OPCML: variants seen among roughly 807,000 people sequenced by gnomAD.
The protein encoded by OPCML is opioid binding protein/cell adhesion molecule like, also known as opioid-binding protein/cell adhesion molecule.
A neutral mutation model predicts 37.8 loss-of-function variants in OPCML; 13 were observed. The ratio of observed to expected loss-of-function variants is 0.34; its 90% CI spans 0.22 to 0.55. OPCML has a LOEUF of 0.55. Among genes scored for constraint, OPCML ranks in the 20% least tolerant of loss-of-function variants. The probability of loss-of-function intolerance (pLI) is 0.91; values close to 1 mark genes in which losing one functional copy is unlikely to be tolerated. For synonymous variants in OPCML, 176 were observed against 168.8 expected (o/e 1.04, Z -0.33); for missense variants, 341 against 435.6 (o/e 0.78, Z 1.93).
chr11:132,453,695 G>A (rs1435984853), intron 4 of OPCML, among the ~76,000 whole-genome samples: 1 of 152,232 alleles, frequency 6.6e-6, no homozygotes, highest in Non-Finnish European at 1.5e-5. Context: ...ATACTATTTA[G>A]CTGGTTGGGC....
chr11:133,173,270 A>G lies in OPCML; in HGVS notation c.62-230260T>C, dbSNP rs1950312312. On this transcript the variant is annotated intron_variant, in intron 1 of 7. Coordinates refer to ENST00000524381, the MANE Select transcript of OPCML (RefSeq NM_001012393.5). This position sits in a 1 kb window ranked among gnomAD's most constrained non-coding sequence, Gnocchi z 7.8. ...AAGCATTTCTCAGAATGTTATCATT[A>G]ACATTGTTACAGCTATAATAACATG... is the stretch of plus-strand genomic sequence containing the variant. Among the ~76,000 whole-genome samples, 1 of 152,244 alleles carries G rather than the reference A, an allele frequency of 6.6e-6. No homozygotes were observed. The highest frequency in any genetic ancestry group is 1.5e-5 in the Non-Finnish European group (1 of 68,042).
intron 2 of OPCML, among the ~76,000 whole-genome samples, chr11:132,824,510 G>A (rs954306590): frequency 1.3e-5 from 2 of 152,072 alleles, no homozygotes; most frequent in Non-Finnish European, 2.9e-5. Context: ...CTGTTTCACA[G>A]CAAAACATCA....
chr11:133,324,306 C>T (rs1027613814), intron 1 of OPCML, among the ~76,000 whole-genome samples: 2 of 152,110 alleles, frequency 1.3e-5, no homozygotes, highest in African/African-American at 4.8e-5. Flanking sequence ...CTCCACCTTG[C>T]TCAAATCCAA....
chr11:132,990,347 A>G (rs1227877754), intron 1 of OPCML, among the ~76,000 whole-genome samples: 2 of 152,234 alleles, frequency 1.3e-5, no homozygotes, highest in African/African-American at 4.8e-5. Flanking sequence ...TATAGCGTCA[A>G]TCTCAGCCAT....
chr11:132,681,941 A>C (rs1942963311), intron 2 of OPCML, among the ~76,000 whole-genome samples: 1 of 150,826 alleles, frequency 6.6e-6, no homozygotes, highest in Admixed American at 6.6e-5. Flanking sequence ...GGCGACAGAG[A>C]GAGATTCCGT....
intron 2 of OPCML, among the ~76,000 whole-genome samples, chr11:132,718,416 G>A (rs1944565204): frequency 6.6e-6 from 1 of 152,074 alleles, no homozygotes; most frequent in African/African-American, 2.4e-5. Context: ...CACTGTAGGG[G>A]GTGCTTTTAA....
chr11:132,491,449 G>A (rs529897521), intron 4 of OPCML, among the ~76,000 whole-genome samples: 94 of 152,210 alleles, frequency 6.2e-4, no homozygotes, highest in African/African-American at 2.0e-3. Flanking sequence ...GGATTCCCTC[G>A]GCTGGACAGC....
At chr11:132,818,605 A>T (rs1175246686) in intron 2 of OPCML, among the ~76,000 whole-genome samples, 1 of 99,760 alleles carries the variant, frequency 1.0e-5, no homozygotes, top group Non-Finnish European at 2.3e-5. Context: ...ATAGATAGAT[A>T]GATGATAGAT....
intron 2 of OPCML, among the ~76,000 whole-genome samples, chr11:132,832,824 G>C (rs923787090): frequency 6.6e-6 from 1 of 152,196 alleles, no homozygotes; most frequent in Non-Finnish European, 1.5e-5. Context: ...TGTACGGCAC[G>C]TAACTGAATA....
In OPCML at chr11:132,586,967, C is replaced by T. The variant is rs148005877; in HGVS notation, c.380-57781G>A. Among the ~76,000 whole-genome samples the T allele has an allele frequency of 2.7e-4, 41 of 152,214 alleles. No homozygotes were observed. In the East Asian group the frequency reaches 4.1e-3, roughly 15 times the overall value. ...CTCTGGAGGCAGAATATTATGCATT[C>T]GGGCATATGCATTCGGGCATACTAA... On this transcript the variant is annotated intron_variant, in intron 3 of 7. Coordinates refer to ENST00000524381, the MANE Select transcript of OPCML (RefSeq NM_001012393.5).
intron 2 of OPCML, among the ~76,000 whole-genome samples, chr11:132,724,143 C>T (rs1441439095): frequency 1.3e-5 from 2 of 152,100 alleles, no homozygotes; most frequent in Admixed American, 6.5e-5. Context: ...CAGGTCAGAG[C>T]ATGTCCAGGA....
chr11:133,030,049 C>G (rs79179586), intron 1 of OPCML, among the ~76,000 whole-genome samples: 15,784 of 152,034 alleles, frequency 0.1, 1,301 homozygotes, highest in East Asian at 0.3. Flanking sequence ...AGAGCTGCTC[C>G]CTGTCACATC....
chr11:132,605,399 T>TAA (rs755243796), intron 3 of OPCML, among the ~76,000 whole-genome samples: 7 of 129,122 alleles, frequency 5.4e-5, no homozygotes, highest in African/African-American at 1.4e-4. Context: ...CTACTAAAAA[T>TAA]AAAAAAAAAA....
intron 1 of OPCML, among the ~76,000 whole-genome samples, chr11:132,949,223 G>A (rs1945807677): frequency 1.3e-5 from 2 of 152,210 alleles, no homozygotes; most frequent in African/African-American, 2.4e-5. Flanking sequence ...AAAAACACCT[G>A]TAAAAAGTCT....
intron 1 of OPCML, among the ~76,000 whole-genome samples, chr11:133,012,090 G>A (rs1194299968): frequency 6.6e-6 from 1 of 152,138 alleles, no homozygotes; most frequent in Non-Finnish European, 1.5e-5. Context: ...TACTTAACAG[G>A]GGACATTGGG....
chr11:132,446,103 C>CTTTTTTTTTTT lies in OPCML; in HGVS notation c.506-8755_506-8745dup, dbSNP rs58784534. 6.8e-4 allele frequency among the ~76,000 whole-genome samples: 33 copies of CTTTTTTTTTTT among 48,510 alleles called. 4 individuals carry two copies. Among genetic ancestry groups the CTTTTTTTTTTT allele is most frequent in the African/African-American group, 1.8e-3 (20 of 11,144 alleles). The allele number at this position is 48,510 out of a possible 152,430, so 31.8% of individuals were successfully genotyped here. A position where few individuals can be genotyped will look rare whatever the true frequency, so the allele number is the denominator to read the frequency against. ...GTGTTTAGCTTGGCTCTGCTTGTGT[C>CTTTTTTTTTTT]TTTTTTTTTTTTTTTTTTTTTTTTT... On this transcript the variant is annotated intron_variant, in intron 4 of 7. Coordinates refer to ENST00000524381, the MANE Select transcript of OPCML (RefSeq NM_001012393.5).
chr11:133,204,909 T>TATATATATATAC (rs1350609719), intron 1 of OPCML, among the ~76,000 whole-genome samples: 17 of 130,690 alleles, frequency 1.3e-4, no homozygotes, highest in East Asian at 5.2e-4. Flanking sequence ...TATATATATA[T>TATATATATATAC]ACATACACAT....
At chr11:133,024,301 T>A in intron 1 of OPCML, 1 of 964,630 alleles carries the variant, frequency 1.0e-6, no homozygotes, top group Non-Finnish European at 1.2e-6. Flanking sequence ...GCAGTGTTGA[T>A]GGAAGTTGGG....
chr11:132,418,308 C>A lies in OPCML; in HGVS notation c.*1885G>T, dbSNP rs1023794619. The A allele has an allele frequency of 1.3e-5, 2 of 152,194 alleles. No homozygotes were observed. The highest frequency in any genetic ancestry group is 3.9e-4 in the East Asian group (2 of 5,188). The allele number at this position is 152,194 out of a possible 1,614,324, so 9.4% of individuals were successfully genotyped here. On this transcript the variant is annotated 3_prime_UTR_variant, in exon 8 of 8. Coordinates refer to ENST00000524381, the MANE Select transcript of OPCML (RefSeq NM_001012393.5). ...TCTGTGGATCAGTCCCTGCAGCACACCTGTGCGGTCTGCAATGCCTTTATT... is the reference window on the plus strand; with the variant it reads ...TCTGTGGATCAGTCCCTGCAGCACAACTGTGCGGTCTGCAATGCCTTTATT...
Sources: allele counts gnomAD v4.1 joint callset (sites outside exome capture counted in the v4.1 genomes callset), GRCh38; gene constraint gnomAD v4.1.1; non-coding constraint Gnocchi (gnomAD v3.1); transcripts MANE v1.5; gene names NCBI Gene and HGNC (gene_info 2026-07-23, HGNC 2026-07-21).